Variants in NDUFB11 observed in about 807,000 individuals in gnomAD.
The protein encoded by NDUFB11 is NADH:ubiquinone oxidoreductase subunit B11.
For missense variants in NDUFB11, 108 were observed against 133.8 expected (o/e 0.81, Z 0.95); for synonymous variants, 51 against 57.4 (o/e 0.89, Z 0.51).
chrX:47,144,445 T>TTGGCCCCC, intron 1 of NDUFB11, 28 bp downstream of exon 1: 1 of 61,005 alleles, frequency 1.6e-5, no homozygotes, highest in Non-Finnish European at 2.6e-5. Context: ...CCGTCCCCAC[T>TTGGCCCCC]ACCCCCCCCC....
intron 1 of NDUFB11, among the ~76,000 whole-genome samples, chrX:47,143,466 C>A (rs1229909243): frequency 8.9e-6 from 1 of 111,915 alleles, no homozygotes; most frequent in East Asian, 2.8e-4. Flanking sequence ...TATATCCAAG[C>A]CCCTTAACCA....
chrX:47,144,445 T>TTGGCCCCCC, intron 1 of NDUFB11, 28 bp downstream of exon 1: 1 of 61,004 alleles, frequency 1.6e-5, no homozygotes, highest in Non-Finnish European at 2.6e-5. Flanking sequence ...CCGTCCCCAC[T>TTGGCCCCCC]ACCCCCCCCC....
At chrX:47,144,446 A>ACCCCCCCCC (rs374822796) in intron 1 of NDUFB11, 27 bp downstream of exon 1, 10 of 53,804 alleles carry the variant, frequency 1.9e-4, no homozygotes, top group African/African-American at 7.0e-4. Flanking sequence ...CGTCCCCACT[A>ACCCCCCCCC]CCCCCCCCCC....
chrX:47,143,765 A>C (rs1931858608), intron 1 of NDUFB11, among the ~76,000 whole-genome samples: 1 of 112,122 alleles, frequency 8.9e-6, no homozygotes, highest in Non-Finnish European at 1.9e-5. Context: ...GGTAACCGTC[A>C]GTGCTGCCTG....
At chrX:47,143,818 A>G (rs1556760893) in intron 1 of NDUFB11, among the ~76,000 whole-genome samples, 1 of 112,135 alleles carries the variant, frequency 8.9e-6, no homozygotes, top group Non-Finnish European at 1.9e-5. Context: ...CAGACCTGGT[A>G]GCCCTAAATT....
At chrX:47,143,753 TGG>T (rs1245920532) in intron 1 of NDUFB11, among the ~76,000 whole-genome samples, 1 of 111,820 alleles carries the variant, frequency 8.9e-6, no homozygotes, top group Non-Finnish European at 1.9e-5. Flanking sequence ...ATCACACGGG[TGG>T]GTAACCGTCA....
intron 1 of NDUFB11, among the ~76,000 whole-genome samples, chrX:47,143,812 C>A (rs782686896): frequency 1.8e-5 from 2 of 111,884 alleles, no homozygotes; most frequent in African/African-American, 3.3e-5. Flanking sequence ...GCACAGCAGA[C>A]CTGGTAGCCC....
Position 47,142,884 on chromosome X carries a change from CT to C in NDUFB11, c.208-141del, listed in dbSNP as rs1931823588. The C allele has an allele frequency of 1.0e-5, 7 of 672,487 alleles. No individual in the cohort carries two copies. The African/African-American group carries it at 1.1e-4, about 11-fold the overall frequency. 55.4% of individuals were successfully genotyped at this position (672,487 alleles called of 1,213,427 possible). ...TTGGGATATGTCAAGCTCCTTCCCA[CT>C]GCAGGGCCACTGCACTTGCTGCTCT... On this transcript the variant is annotated intron_variant, in intron 1 of 2. Coordinates refer to ENST00000377811, the MANE Select transcript of NDUFB11 (RefSeq NM_001135998.3).
intron 1 of NDUFB11, among the ~76,000 whole-genome samples, chrX:47,143,947 G>A (rs1034426989): frequency 2.7e-5 from 3 of 111,298 alleles, no homozygotes; most frequent in East Asian, 5.6e-4. Flanking sequence ...AGCCCACCTC[G>A]AAATGGGGTT....
chrX:47,144,563 G>A lies in NDUFB11; in HGVS notation c.117C>T (p.Ala39=), dbSNP rs1556761243. Residue 39 remains alanine (A), a synonymous_variant, in exon 1 of 3, where the codon GCC becomes GCT. Coordinates refer to ENST00000377811, the MANE Select transcript of NDUFB11 (RefSeq NM_001135998.3). ...WESSFSRTVV[A]PSAVAGKRPP... is the part of the protein sequence containing the mutation. Reference sequence around the variant, plus strand: ...GCCGCTTTCCCGCCACAGCGGACGGGGCGACCACAGTCCTGGAGAAGCTAG... The same window carrying A: ...GCCGCTTTCCCGCCACAGCGGACGGAGCGACCACAGTCCTGGAGAAGCTAG... 8.3e-7 allele frequency: 1 copy of A among 1,200,154 alleles called. No individual in the cohort carries two copies. Among genetic ancestry groups the A allele is most frequent in the South Asian group, 1.8e-5 (1 of 56,151 alleles).
intron 1 of NDUFB11, 25 bp downstream of exon 1, chrX:47,144,443 ACTACC>A: frequency 1.3e-5 from 1 of 78,822 alleles, no homozygotes; most frequent in Non-Finnish European, 1.9e-5. Flanking sequence ...TTCCGTCCCC[ACTACC>A]CCCCCCCCCC....
intron 1 of NDUFB11, 32 bp downstream of exon 1, chrX:47,144,441 C>CCCGGG: frequency 2.5e-6 from 1 of 392,510 alleles, no homozygotes; most frequent in Non-Finnish European, 3.5e-6. Flanking sequence ...GGTTCCGTCC[C>CCCGGG]CACTACCCCC....
At chrX:47,144,869 G>A, upstream of NDUFB11, 1 of 400,503 alleles carries the variant, frequency 2.5e-6, no homozygotes, top group Non-Finnish European at 4.2e-6. Context: ...GCTTCGTGGG[G>A]CCAACCATTT....
At chrX:47,145,262 G>A (rs1382272701), upstream of NDUFB11, 2 of 498,892 alleles carry the variant, frequency 4.0e-6, no homozygotes, top group Non-Finnish European at 7.0e-6. Context: ...CCTTCTCGTC[G>A]TCGCCATTTT....
At position 47,142,693 on chromosome X, in the gene NDUFB11, T is replaced by C; in HGVS notation, c.259A>G (p.Met87Val). Reference protein sequence around the residue: ...DKDPVLDVWNMRLVFFFGVSI... With the variant: ...DKDPVLDVWNVRLVFFFGVSI... The stretch of plus-strand genomic sequence containing the variant: ...ACGCCAAAGAAGAAGACAAGTCGCA[T>C]GTTCCAGACGTCCAAAACGGGGTCC... The change falls in exon 2 of 3, where the codon ATG becomes GTG. Residue 87 changes from methionine (M) to valine (V), a missense_variant. Coordinates refer to ENST00000377811, the MANE Select transcript of NDUFB11 (RefSeq NM_001135998.3). 8.3e-7 allele frequency: 1 copy of C among 1,211,902 alleles called. No homozygotes were observed.
Position 47,144,551 on chromosome X carries a change from C to A in NDUFB11, c.129G>T (p.Val43=). 1 of 1,195,989 alleles carries A rather than the reference C, an allele frequency of 8.4e-7. No individual in the cohort carries two copies. The highest frequency in any genetic ancestry group is 1.1e-6 in the Non-Finnish European group (1 of 886,914). Residue 43 remains valine (V), a synonymous_variant, in exon 1 of 3, where the codon GTG becomes GTT. Transcript: ENST00000377811. ...FSRTVVAPSA[V]AGKRPPEPTT... is the part of the protein sequence containing the mutation. ...TCGGTTCTGGGGGCCGCTTTCCCGC[C>A]ACAGCGGACGGGGCGACCACAGTCC...
chrX:47,144,161 G>C (rs782280749), intron 1 of NDUFB11, among the ~76,000 whole-genome samples: 75 of 108,874 alleles, frequency 6.9e-4, no homozygotes, highest in African/African-American at 2.3e-3. Context: ...ACGGCAACGA[G>C]CAAGTGCCAT....
chrX:47,144,856 G>A, upstream of NDUFB11: 2 of 430,508 alleles, frequency 4.6e-6, no homozygotes, highest in Non-Finnish European at 7.6e-6. Flanking sequence ...TCCAGTTGTC[G>A]TGGCTTCGTG....
Position 47,142,722 on chromosome X carries a change from T to G in NDUFB11, c.230A>C (p.Asp77Ala). ...YEKNPDSHGY[D>A]KDPVLDVWNM... The stretch of plus-strand genomic sequence containing the variant: ...CCAGACGTCCAAAACGGGGTCCTTG[T>G]CATAACCATGGGAGTCTGGGTTCTG... The change falls in exon 2 of 3, where the codon GAC (aspartate) becomes GCC (alanine). Residue 77 changes from aspartate to alanine, a missense_variant. Physicochemically the swap from Asp to Ala is moderately radical, Grantham distance 126 (BLOSUM62 -2). Coordinates refer to ENST00000377811, the MANE Select transcript of NDUFB11 (RefSeq NM_001135998.3). The G allele has an allele frequency of 8.3e-7, 1 of 1,211,200 alleles. No individual in the cohort carries two copies. The highest frequency in any genetic ancestry group is 3.0e-5 in the East Asian group (1 of 33,842).
Sources: gnomAD v4.1 joint callset for allele counts (sites outside exome capture counted in the v4.1 genomes callset) on GRCh38, gnomAD v4.1.1 for gene constraint, MANE v1.5 for transcripts, NCBI Gene and HGNC (gene_info 2026-07-23, HGNC 2026-07-21) for gene names.